Variants in MDGA2 observed in about 807,000 individuals in gnomAD.
MDGA2 encodes the protein MAM domain containing glycosylphosphatidylinositol anchor 2.
MDGA2 carries 40 observed loss-of-function variants against 117.8 expected under a neutral mutation model. The ratio of observed to expected loss-of-function variants is 0.34; its 90% confidence interval spans 0.26 to 0.44. The LOEUF (loss-of-function observed/expected upper bound fraction) is 0.44, where lower values mean the gene tolerates loss of function less well. Ranked by LOEUF, MDGA2 falls within the 20% of genes least tolerant of loss-of-function variation. The pLI, the probability that MDGA2 is intolerant of heterozygous loss-of-function variation, is 1.00. For synonymous variants in MDGA2, 452 were observed against 439.0 expected (o/e 1.03, Z -0.37); for missense variants, 1,123 against 1,250.6 (o/e 0.90, Z 1.54).
intron 12 of MDGA2, among the ~76,000 whole-genome samples, chr14:46,877,199 A>C (rs1882266235): frequency 6.6e-6 from 1 of 151,672 alleles, no homozygotes; most frequent in South Asian, 2.1e-4. Context: ...AAAAGAAAAA[A>C]ATAATCCCAC....
At chr14:46,854,942 CATATTTTA>C (rs1409002821) in intron 15 of MDGA2, 74 bp downstream of exon 15, 34 of 1,214,214 alleles carry the variant, frequency 2.8e-5, no homozygotes, top group Non-Finnish European at 3.7e-5. Flanking sequence ...TCTGAATATT[CATATTTTA>C]ATATTTGCTC....
At chr14:47,152,529 T>C (rs1566653042) in intron 3 of MDGA2, among the ~76,000 whole-genome samples, 1 of 152,192 alleles carries the variant, frequency 6.6e-6, no homozygotes, top group Non-Finnish European at 1.5e-5. Context: ...TTTGCCAGTA[T>C]ATATGTAACA....
intron 1 of MDGA2, among the ~76,000 whole-genome samples, chr14:47,614,214 C>CG (rs1896908247): frequency 6.6e-6 from 1 of 151,010 alleles, no homozygotes; most frequent in African/African-American, 2.4e-5. Context: ...CTCAGCCTCC[C>CG]GAGTAGCTTG....
intron 6 of MDGA2, among the ~76,000 whole-genome samples, chr14:47,081,553 CA>C (rs1161025939): frequency 6.6e-6 from 1 of 151,994 alleles, no homozygotes; most frequent in African/African-American, 2.4e-5. Context: ...AAAAACAAAA[CA>C]AAAACACTAG....
At chr14:47,196,738 G>A (rs982078480) in intron 3 of MDGA2, among the ~76,000 whole-genome samples, 1 of 152,136 alleles carries the variant, frequency 6.6e-6, no homozygotes, top group African/African-American at 2.4e-5. Flanking sequence ...TGTTGCTGAG[G>A]CTTGGTATAC....
At chr14:47,043,557 TA>T (rs1340239765) in intron 7 of MDGA2, among the ~76,000 whole-genome samples, 1 of 152,080 alleles carries the variant, frequency 6.6e-6, no homozygotes, top group Non-Finnish European at 1.5e-5. Context: ...CTTCTTCATC[TA>T]AAAAATATTA....
intron 9 of MDGA2, among the ~76,000 whole-genome samples, chr14:46,938,116 T>C (rs1884849189): frequency 6.6e-6 from 1 of 152,098 alleles, no homozygotes; most frequent in Admixed American, 6.6e-5. Context: ...AAATATACAA[T>C]CTAATTTTTT....
intron 9 of MDGA2, among the ~76,000 whole-genome samples, chr14:46,921,611 C>A: frequency 6.8e-6 from 1 of 147,096 alleles, no homozygotes; most frequent in African/African-American, 2.5e-5. Context: ...AGAGCCAGGC[C>A]CTGTCAAAAA....
intron 1 of MDGA2, among the ~76,000 whole-genome samples, chr14:47,508,892 G>A (rs1164085583): frequency 2.0e-5 from 3 of 152,022 alleles, no homozygotes; most frequent in South Asian, 2.1e-4. Flanking sequence ...AAGTTTTACC[G>A]TGTTAGCAAG....
chr14:47,489,492 C>T (rs1416979713), intron 1 of MDGA2, among the ~76,000 whole-genome samples: 2 of 152,018 alleles, frequency 1.3e-5, no homozygotes, highest in African/African-American at 2.4e-5. Context: ...TTACTTTCTG[C>T]TCCCCATTTA....
intron 1 of MDGA2, among the ~76,000 whole-genome samples, chr14:47,564,294 G>A (rs1161506750): frequency 1.3e-5 from 2 of 152,096 alleles, no homozygotes; most frequent in African/African-American, 4.8e-5. Context: ...GACTGTTGAT[G>A]TATTAGTCTG....
At chr14:47,462,709 C>A (rs902575753) in intron 1 of MDGA2, among the ~76,000 whole-genome samples, 1 of 152,100 alleles carries the variant, frequency 6.6e-6, no homozygotes, top group Non-Finnish European at 1.5e-5. Context: ...TTTGGAAACA[C>A]TGACGTCATG....
intron 1 of MDGA2, chr14:47,343,319 A>G (rs1398393026): frequency 9.5e-7 from 1 of 1,057,274 alleles, no homozygotes; most frequent in Non-Finnish European, 1.2e-6. Context: ...AGACGCTGTG[A>G]GTCTATTATG....
chr14:47,043,853 A>G (rs1889163415), intron 7 of MDGA2, among the ~76,000 whole-genome samples: 1 of 151,954 alleles, frequency 6.6e-6, no homozygotes, highest in South Asian at 2.1e-4. Context: ...TGATTGTTAC[A>G]TTCTTTAAGG....
chr14:47,405,271 T>A (rs1594840922), intron 1 of MDGA2, among the ~76,000 whole-genome samples: 1 of 152,182 alleles, frequency 6.6e-6, no homozygotes, highest in Non-Finnish European at 1.5e-5. Flanking sequence ...AAATAAAATT[T>A]AAGCCATACC....
chr14:47,653,926 G>A (rs955585265), intron 1 of MDGA2, among the ~76,000 whole-genome samples: 1 of 152,148 alleles, frequency 6.6e-6, no homozygotes, highest in South Asian at 2.1e-4. Context: ...TCAAAAAGAA[G>A]TGCAGCTTTG....
chr14:46,980,292 A>G (rs1312890719), intron 8 of MDGA2, among the ~76,000 whole-genome samples: 1 of 152,206 alleles, frequency 6.6e-6, no homozygotes, highest in East Asian at 1.9e-4. Context: ...GGAAATAGCA[A>G]GATAACTAAA....
At chr14:47,058,499 A>T in intron 7 of MDGA2, 2 of 982,994 alleles carry the variant, frequency 2.0e-6, no homozygotes, top group Non-Finnish European at 2.4e-6. Context: ...TCCAGGGTTC[A>T]TAAAATTGAT....
At chr14:47,448,786 T>G (rs1034369446) in intron 1 of MDGA2, among the ~76,000 whole-genome samples, 2 of 152,170 alleles carry the variant, frequency 1.3e-5, no homozygotes, top group Non-Finnish European at 2.9e-5. Context: ...GGTCAAAAGT[T>G]TCAGTGGTCC....
Sources: allele counts gnomAD v4.1 joint callset (sites outside exome capture counted in the v4.1 genomes callset), GRCh38; gene constraint gnomAD v4.1.1; transcripts MANE v1.5; gene names NCBI Gene and HGNC (gene_info 2026-07-23, HGNC 2026-07-21).